Variants in ANXA8 observed in about 807,000 individuals in gnomAD.
ANXA8 encodes the protein VAC-beta.
Under a neutral mutation model 26.8 loss-of-function variants are expected in ANXA8, and 9 were observed. The observed-to-expected ratio is 0.34, with a 90% CI of 0.20 to 0.59. The LOEUF is 0.59. Among genes scored for constraint, ANXA8 ranks in the 20% least tolerant of loss-of-function variants. The pLI is 0.84. For synonymous variants in ANXA8, 39 were observed against 94.8 expected, an observed-to-expected ratio of 0.41 and a Z score of 3.42; for missense variants, 83 against 238.5, an observed-to-expected ratio of 0.35 and a Z score of 4.29.
chr10:47,569,074 C>T, the ANXA8 span, among the ~76,000 whole-genome samples: 1 of 42,346 alleles, frequency 2.4e-5, no homozygotes, highest in Non-Finnish European at 4.9e-5. Flanking sequence ...TGCAGTGAGA[C>T]GAGATTTCAC....
chr10:47,955,273 C>CT, the ANXA8 span, among the ~76,000 whole-genome samples: 406 of 143,608 alleles, frequency 2.8e-3, 2 homozygotes, highest in Non-Finnish European at 3.4e-3. Flanking sequence ...TCCATTAAAT[C>CT]TTTTTTTTTT....
the ANXA8 span, chr10:47,502,987 A>G: frequency 2.6e-6 from 4 of 1,559,808 alleles, no homozygotes; most frequent in Non-Finnish European, 2.6e-6. Context: ...GGTGCTGGAG[A>G]TACCGGGGCT....
At chr10:47,750,429 T>TTTTA in the ANXA8 span, among the ~76,000 whole-genome samples, 4 of 115,850 alleles carry the variant, frequency 3.5e-5, no homozygotes, top group Admixed American at 1.0e-4. Context: ...TTGATCTAAA[T>TTTTA]TTTATTTATT....
chr10:47,474,178 G>A, intron 8 of ANXA8, 113 bp from the exon 9 acceptor site: 1 of 585,030 alleles, frequency 1.7e-6, no homozygotes, highest in Non-Finnish European at 3.0e-6. Context: ...CTGGTGGCTG[G>A]GGAAACAGTC....
the ANXA8 span, chr10:47,510,405 T>C: frequency 1.4e-5 from 19 of 1,369,670 alleles, 4 homozygotes; most frequent in Non-Finnish European, 1.8e-5. Context: ...GTGCAATCTA[T>C]AGAAAACCCA....
rs1839193969 is a variant in ANXA8 at position 47,468,833 on chromosome 10, T to C, written c.*14A>G. On this transcript the variant is annotated 3_prime_UTR_variant, in exon 12 of 12. Coordinates refer to ENST00000585281, the MANE Select transcript of ANXA8 (RefSeq NM_001040084.3). The stretch of plus-strand genomic sequence containing the variant: ...ACTCTGGCTTCATGGTCTTTGCTCT[T>C]GTTCTTCTGTGCCTCAGGGGTCGCT... 5 of 1,610,002 alleles carry C rather than the reference T, an allele frequency of 3.1e-6. No individual in the cohort carries two copies. Among genetic ancestry groups the C allele is most frequent in the South Asian group, 1.1e-5 (1 of 90,406 alleles).
At chr10:47,974,610 C>A in the ANXA8 span, among the ~76,000 whole-genome samples, 2 of 144,696 alleles carry the variant, frequency 1.4e-5, no homozygotes, top group African/African-American at 4.9e-5. Context: ...ATTTTCATTA[C>A]TTTCAAAGAT....
the ANXA8 span, among the ~76,000 whole-genome samples, chr10:47,559,567 T>C: frequency 1.3e-5 from 2 of 151,896 alleles, no homozygotes; most frequent in African/African-American, 4.8e-5. Context: ...GTACATTGTG[T>C]CTTATTGGAG....
chr10:47,654,347 T>C, the ANXA8 span, among the ~76,000 whole-genome samples: 1 of 144,896 alleles, frequency 6.9e-6, no homozygotes, highest in Non-Finnish European at 1.5e-5. Flanking sequence ...GTGATAAAAA[T>C]TTCGTCAACA....
the ANXA8 span, among the ~76,000 whole-genome samples, chr10:47,772,244 C>T: frequency 2.6e-5 from 4 of 151,914 alleles, no homozygotes; most frequent in South Asian, 8.3e-4. Context: ...ACATCATCAT[C>T]TAAGATCCAG....
chr10:47,699,890 T>A, the ANXA8 span, among the ~76,000 whole-genome samples: 1 of 151,776 alleles, frequency 6.6e-6, no homozygotes, highest in Non-Finnish European at 1.5e-5. Context: ...ACAGAGGGCA[T>A]AATGATAGTG....
chr10:47,621,962 TACA>T, the ANXA8 span, among the ~76,000 whole-genome samples: 1 of 106,270 alleles, frequency 9.4e-6, no homozygotes, highest in East Asian at 2.2e-4. Context: ...GTCTATGTTA[TACA>T]ACAACAAGAC....
In ANXA8 at chr10:47,468,747, C is replaced by G; in HGVS notation, c.*100G>C. On this transcript the variant is annotated 3_prime_UTR_variant, in exon 12 of 12. Transcript: ENST00000585281. ...AATAGGGAAATAGAAGACCGAAAGG[C>G]TGGGACCCCCCTCACACCCAACCTG... The G allele has an allele frequency of 6.5e-7, 1 of 1,540,406 alleles. No homozygotes were observed. Among genetic ancestry groups the G allele is most frequent in the South Asian group, 1.2e-5 (1 of 84,240 alleles).
At chr10:47,533,185 TCACACA>T in the ANXA8 span, among the ~76,000 whole-genome samples, 36 of 102,404 alleles carry the variant, frequency 3.5e-4, no homozygotes, top group East Asian at 1.0e-3. Flanking sequence ...TAAACACACA[TCACACA>T]CACACACACA....
chr10:47,676,912 C>T, the ANXA8 span, among the ~76,000 whole-genome samples: 1 of 145,668 alleles, frequency 6.9e-6, no homozygotes, highest in Non-Finnish European at 1.5e-5. Context: ...GAGCGAGACT[C>T]AGTCTCAAAA....
chr10:47,628,411 A>G, the ANXA8 span, among the ~76,000 whole-genome samples: 8 of 151,342 alleles, frequency 5.3e-5, no homozygotes, highest in Non-Finnish European at 8.9e-5. Flanking sequence ...CAATACTTCA[A>G]CATAAATGTG....
At chr10:47,747,864 CTT>C in the ANXA8 span, among the ~76,000 whole-genome samples, 1 of 152,042 alleles carries the variant, frequency 6.6e-6, no homozygotes, top group Admixed American at 6.5e-5. Context: ...AAATTTAAAA[CTT>C]AAAAATACAA....
At chr10:47,632,019 T>C in the ANXA8 span, among the ~76,000 whole-genome samples, 2 of 152,242 alleles carry the variant, frequency 1.3e-5, no homozygotes, top group Non-Finnish European at 1.5e-5. Context: ...ATTAGGTTGA[T>C]AAATTAATTA....
the ANXA8 span, among the ~76,000 whole-genome samples, chr10:47,673,453 T>C: frequency 2.0e-5 from 3 of 149,662 alleles, no homozygotes; most frequent in Non-Finnish European, 3.0e-5. Context: ...GCAGAAGAGG[T>C]GAGTGAAACT....
Sources: gnomAD v4.1 joint callset for allele counts (sites outside exome capture counted in the v4.1 genomes callset) on GRCh38, gnomAD v4.1.1 for gene constraint, MANE v1.5 for transcripts, NCBI Gene and HGNC (gene_info 2026-07-23, HGNC 2026-07-21) for gene names.